Variants in DNAAF4 observed in about 807,000 individuals in gnomAD.
DNAAF4 encodes dynein assembly factor 4, axonemal.
A neutral mutation model predicts 51.8 loss-of-function variants in DNAAF4; 43 were observed. The observed-to-expected ratio is 0.83, with a 90% CI of 0.65 to 1.07. The LOEUF is 1.07. DNAAF4 is among the 50% of genes least tolerant of loss of function. The probability of loss-of-function intolerance (pLI) is 0.00; values close to 1 mark genes in which losing one functional copy is unlikely to be tolerated. For missense variants in DNAAF4, 581 were observed against 493.0 expected (o/e 1.18, Z -1.69); for synonymous variants, 194 against 165.6 (o/e 1.17, Z -1.32).
At chr15:55,495,933 C>T (rs1194951748) in intron 3 of DNAAF4, among the ~76,000 whole-genome samples, 15 of 152,072 alleles carry the variant, frequency 9.9e-5, no homozygotes, top group Admixed American at 9.8e-4. Context: ...AGCTTTAAAA[C>T]TGGGGATGTC....
intron 5 of DNAAF4, among the ~76,000 whole-genome samples, chr15:55,456,031 A>G (rs967644965): frequency 5.9e-5 from 9 of 152,040 alleles, no homozygotes; most frequent in African/African-American, 2.2e-4. Flanking sequence ...CTAAAATGTT[A>G]AATTTATAGG....
At chr15:55,440,264 G>A (rs2057686963) in intron 6 of DNAAF4, among the ~76,000 whole-genome samples, 1 of 151,890 alleles carries the variant, frequency 6.6e-6, no homozygotes, top group Admixed American at 6.6e-5. Context: ...TTTTGGCCAG[G>A]CTGGTATTGA....
chr15:55,473,713 G>A (rs370144168), intron 4 of DNAAF4, among the ~76,000 whole-genome samples: 4 of 152,008 alleles, frequency 2.6e-5, no homozygotes, highest in South Asian at 2.1e-4. Context: ...AGAAATAGCC[G>A]GGCGCAGTGG....
chr15:55,419,140 T>C (rs2057366038), intron 7 of DNAAF4, among the ~76,000 whole-genome samples: 1 of 152,124 alleles, frequency 6.6e-6, no homozygotes, highest in African/African-American at 2.4e-5. Flanking sequence ...ATGGTCTCAA[T>C]TTCCTGACCT....
At chr15:55,446,462 CGGT>C (rs1595903489) in intron 6 of DNAAF4, among the ~76,000 whole-genome samples, 6 of 140,986 alleles carry the variant, frequency 4.3e-5, no homozygotes, top group East Asian at 2.2e-4. Flanking sequence ...GATGGGGTGG[CGGT>C]CGGGCAGAGG....
chr15:55,435,149 C>A, intron 7 of DNAAF4, 91 bp from the exon 8 acceptor site: 1 of 1,389,602 alleles, frequency 7.2e-7, no homozygotes. Flanking sequence ...AAGAGGATGG[C>A]TTACCTCTTT....
chr15:55,431,308 A>G (rs1470849272), intron 9 of DNAAF4, among the ~76,000 whole-genome samples: 1 of 151,986 alleles, frequency 6.6e-6, no homozygotes, highest in Non-Finnish European at 1.5e-5. Flanking sequence ...AAATATAAGC[A>G]ATGTGCATGC....
chr15:55,429,151 G>A (rs891597344), downstream of DNAAF4, among the ~76,000 whole-genome samples: 6 of 151,968 alleles, frequency 3.9e-5, no homozygotes, highest in South Asian at 2.1e-4. Context: ...GAACCCAGGA[G>A]ACGGAGGTTG....
intron 5 of DNAAF4, among the ~76,000 whole-genome samples, chr15:55,451,606 T>C (rs1444239319): frequency 7.2e-6 from 1 of 139,522 alleles, no homozygotes; most frequent in Non-Finnish European, 1.5e-5. Context: ...ACTAAAAATT[T>C]TGTGAATAAT....
intron 6 of DNAAF4, among the ~76,000 whole-genome samples, chr15:55,448,283 C>G (rs2057870546): frequency 6.6e-6 from 1 of 152,012 alleles, no homozygotes; most frequent in Non-Finnish European, 1.5e-5. Context: ...GGTGGATAAG[C>G]TTTTTGATGT....
At chr15:55,435,545 C>T (rs1169206293) in intron 7 of DNAAF4, among the ~76,000 whole-genome samples, 1 of 152,078 alleles carries the variant, frequency 6.6e-6, no homozygotes, top group African/African-American at 2.4e-5. Flanking sequence ...AATAAAAAGG[C>T]AGAAAGAAAC....
At chr15:55,463,172 T>TCTCACACACACA (rs369642249) in intron 5 of DNAAF4, among the ~76,000 whole-genome samples, 16 of 140,384 alleles carry the variant, frequency 1.1e-4, no homozygotes, top group African/African-American at 4.1e-4. Flanking sequence ...AGACTCTGTC[T>TCTCACACACACA]CACACACACA....
At chr15:55,464,468 T>C (rs549686502) in intron 5 of DNAAF4, among the ~76,000 whole-genome samples, 4 of 152,144 alleles carry the variant, frequency 2.6e-5, no homozygotes, top group African/African-American at 7.2e-5. Context: ...TTAATTAAAC[T>C]AAAAAGCTTC....
intron 6 of DNAAF4, chr15:55,442,934 C>T (rs2057737379): frequency 1.2e-6 from 2 of 1,611,194 alleles, no homozygotes; most frequent in Admixed American, 1.7e-5. Context: ...AGGTAAGGGA[C>T]TCCTTGAAAT....
intron 4 of DNAAF4, among the ~76,000 whole-genome samples, chr15:55,488,437 C>T (rs1015518577): frequency 2.0e-5 from 3 of 152,264 alleles, no homozygotes; most frequent in Admixed American, 6.5e-5. Context: ...CTTACTGGAT[C>T]GTCAAAGTTC....
In DNAAF4 at chr15:55,474,248, T is replaced by A. The variant is rs1164816877; in HGVS notation, c.406-7087A>T. 1.6e-3 allele frequency among the ~76,000 whole-genome samples: 247 copies of A among 151,934 alleles called. 6 individuals are homozygous for A. Among genetic ancestry groups the A allele is most frequent in the Non-Finnish European group, 2.7e-4 (18 of 67,878 alleles). On this transcript the variant is annotated intron_variant, in intron 4 of 9. Coordinates refer to ENST00000321149, the MANE Select transcript of DNAAF4 (RefSeq NM_130810.4). ...TTCAGCAAGGCAGTCACATATAAAA[T>A]CAACTAGCTGGGCGCGATGGCTCAC...
chr15:55,444,537 G>A (rs144679946), intron 6 of DNAAF4, among the ~76,000 whole-genome samples: 6,203 of 152,160 alleles, frequency 0.041, 425 homozygotes, highest in African/African-American at 0.14. Context: ...GTTCTTTTTT[G>A]GTTCCATATG....
chr15:55,474,142 G>A (rs1026666408), intron 4 of DNAAF4, among the ~76,000 whole-genome samples: 1 of 152,244 alleles, frequency 6.6e-6, no homozygotes, highest in Middle Eastern at 3.4e-3. Flanking sequence ...TAGATTACAA[G>A]GAGATAGAAT....
chr15:55,429,290 C>A (rs144379633), downstream of DNAAF4, among the ~76,000 whole-genome samples: 24 of 148,632 alleles, frequency 1.6e-4, no homozygotes, highest in Admixed American at 8.1e-4. Flanking sequence ...GAGGCCGAGG[C>A]GGGTGGATCA....
Sources: allele counts gnomAD v4.1 joint callset (sites outside exome capture counted in the v4.1 genomes callset), GRCh38; gene constraint gnomAD v4.1.1; transcripts MANE v1.5; gene names NCBI Gene and HGNC (gene_info 2026-07-23, HGNC 2026-07-21).